UACA: variants seen among roughly 807,000 people sequenced by gnomAD.
UACA encodes the protein nuclear membrane binding protein.
UACA carries 112 observed loss-of-function variants against 160.5 expected under a neutral mutation model. That is an observed-to-expected ratio of 0.70 (90% CI 0.60 to 0.82). UACA has a LOEUF of 0.82. Ranked by LOEUF, UACA falls within the 40% of genes least tolerant of loss-of-function variation. The pLI is 0.00. For missense variants in UACA, 1,574 were observed against 1,614.6 expected (o/e 0.97, Z 0.43); for synonymous variants, 557 against 568.4 (o/e 0.98, Z 0.29).
intron 1 of UACA, among the ~76,000 whole-genome samples, chr15:70,723,781 T>C (rs1899063936): frequency 6.6e-6 from 1 of 151,962 alleles, no homozygotes; most frequent in East Asian, 1.9e-4. Context: ...TACAGGTGCC[T>C]GCCACCACAC....
rs2140949544 is a variant in UACA at position 70,690,514 on chromosome 15, G to A, written c.367-3C>T. 2.5e-6 allele frequency: 4 copies of A among 1,609,460 alleles called. No individual in the cohort carries two copies. The East Asian group carries it at 8.9e-5, about 36-fold the overall frequency. On this transcript the variant is annotated splice_polypyrimidine_tract_variant and splice_region_variant and intron_variant, in intron 4 of 18. Coordinates refer to ENST00000322954, the MANE Select transcript of UACA (RefSeq NM_018003.4). ...GCATGCTCAGTGGGACAATTGTACT[G>A]TTAAAGTAAAGAAAACTTAGTAAAG...
chr15:70,772,677 A>T, the UACA span, among the ~76,000 whole-genome samples: 1 of 152,130 alleles, frequency 6.6e-6, no homozygotes, highest in Non-Finnish European at 1.5e-5. Context: ...GCAAGAGTGA[A>T]ATTCATTAAT....
chr15:70,716,816 A>G (rs1319651948), intron 1 of UACA, among the ~76,000 whole-genome samples: 1 of 152,220 alleles, frequency 6.6e-6, no homozygotes, highest in Admixed American at 6.5e-5. Context: ...GTATTCATCT[A>G]TGTTTTATCA....
intron 1 of UACA, among the ~76,000 whole-genome samples, chr15:70,748,460 T>C (rs1258894008): frequency 1.3e-5 from 2 of 152,214 alleles, no homozygotes; most frequent in African/African-American, 4.8e-5. Context: ...GCCTGGGGCA[T>C]GAAGTTAGAA....
intron 1 of UACA, among the ~76,000 whole-genome samples, chr15:70,710,718 C>G (rs1490955634): frequency 6.6e-6 from 1 of 152,172 alleles, no homozygotes; most frequent in African/African-American, 2.4e-5. Flanking sequence ...AAGGATGTTA[C>G]CAAGCTTGCA....
chr15:70,669,463 C>T lies in UACA; in HGVS notation c.1222-1G>A, dbSNP rs74559933. 3.9e-6 allele frequency: 6 copies of T among 1,525,306 alleles called. No individual in the cohort carries two copies. The highest frequency in any genetic ancestry group is 2.3e-5 in the Admixed American group (1 of 43,340). 94.5% of individuals were successfully genotyped at this position (1,525,306 alleles called of 1,614,324 possible). On this transcript the variant is annotated splice_acceptor_variant, in intron 15 of 18. Coordinates refer to ENST00000322954, the MANE Select transcript of UACA (RefSeq NM_018003.4). LOFTEE classifies it high-confidence loss of function. ...GGGCTGGTATACCTGGGGAAGTACACTGAAAAGAAAAAAAAAAAGACATCA... is the reference window on the plus strand; with the variant it reads ...GGGCTGGTATACCTGGGGAAGTACATTGAAAAGAAAAAAAAAAAGACATCA...
the UACA span, among the ~76,000 whole-genome samples, chr15:70,773,837 A>G: frequency 2.6e-5 from 4 of 152,246 alleles, no homozygotes; most frequent in Non-Finnish European, 4.4e-5. Context: ...TGCCTGATCT[A>G]TGAAATACCC....
chr15:70,668,027 A>C lies in UACA; in HGVS notation c.2657T>G (p.Val886Gly). The change falls in exon 16 of 19, where the codon GTG becomes GGG. Residue 886 changes from valine (V) to glycine (G), a missense_variant. Val to Gly is a moderately radical substitution (Grantham distance 109, BLOSUM62 -3). Coordinates refer to ENST00000322954, the MANE Select transcript of UACA (RefSeq NM_018003.4). Reference sequence around the variant, plus strand: ...ATTTATATCTTCAAATTTTTTCTTCACATCTAATAATTCTCTGTTAGTTTT... The same window carrying C: ...ATTTATATCTTCAAATTTTTTCTTCCCATCTAATAATTCTCTGTTAGTTTT... ...LAKTNRELLD[V>G]KKKFEDINQE... The C allele has an allele frequency of 6.2e-7, 1 of 1,607,694 alleles. No individual in the cohort carries two copies. Among genetic ancestry groups the C allele is most frequent in the South Asian group, 1.1e-5 (1 of 89,162 alleles).
intron 1 of UACA, among the ~76,000 whole-genome samples, chr15:70,756,998 T>A (rs1423858070): frequency 1.3e-5 from 2 of 152,240 alleles, no homozygotes; most frequent in Non-Finnish European, 2.9e-5. Flanking sequence ...TTTCCTCGAT[T>A]GTTTCATAAA....
At chr15:70,673,664 C>A (rs780726075) in intron 13 of UACA, among the ~76,000 whole-genome samples, 1 of 152,174 alleles carries the variant, frequency 6.6e-6, no homozygotes, top group South Asian at 2.1e-4. Flanking sequence ...AAAGTTGTAA[C>A]ATAAAATCAG....
rs924454228 is a variant in UACA, at chr15:70,738,417, A to G, written c.78+24913T>C. ...GCCATAAATGTTTAACCTAAACCTA[A>G]TAACTAGTAAGTCATCAAACCCAAA... On this transcript the variant is annotated intron_variant, in intron 1 of 18. Coordinates refer to ENST00000322954, the MANE Select transcript of UACA (RefSeq NM_018003.4). 6.6e-5 allele frequency among the ~76,000 whole-genome samples: 10 copies of G among 152,040 alleles called. 1 individual carries two copies. Among genetic ancestry groups the G allele is most frequent in the African/African-American group, 2.2e-4 (9 of 41,428 alleles).
rs765534267 is a variant in UACA at position 70,668,840 on chromosome 15, T to G, written c.1844A>C (p.Gln615Pro). Residue 615 changes from glutamine to proline, a missense_variant, in exon 16 of 19, where the codon CAG (glutamine) becomes CCG (proline). Physicochemically the swap from Gln to Pro is moderately conservative, Grantham distance 76 (BLOSUM62 -1). Coordinates refer to ENST00000322954, the MANE Select transcript of UACA (RefSeq NM_018003.4). ...KGRKVTEMEG[Q>P]AKELSAKLAL... ...CAACTTCGCTGACAATTCTTTTGCC[T>G]GGCCTTCCATCTCTGTGACCTTTCT... 1 of 1,613,934 alleles carries G rather than the reference T, an allele frequency of 6.2e-7. No homozygotes were observed. Among genetic ancestry groups the G allele is most frequent in the Non-Finnish European group, 8.5e-7 (1 of 1,180,002 alleles).
Position 70,667,397 on chromosome 15 carries a change from T to C in UACA, c.3287A>G (p.Gln1096Arg), listed in dbSNP as rs772610492. The C allele has an allele frequency of 6.2e-7, 1 of 1,612,148 alleles. No homozygotes were observed. Among genetic ancestry groups the C allele is most frequent in the Non-Finnish European group, 8.5e-7 (1 of 1,179,938 alleles). ...KEKLVEENAK[Q>R]TSEILAVQNL... ...TTGCACTGCAAGTATCTCAGAAGTC[T>C]GTTTGGCATTTTCTTCTACTAGCTT... Residue 1096 changes from glutamine to arginine, a missense_variant, in exon 16 of 19, where the codon CAG (glutamine) becomes CGG (arginine). Coordinates refer to ENST00000322954, the MANE Select transcript of UACA (RefSeq NM_018003.4).
At chr15:70,761,792 A>G (rs74021849) in intron 1 of UACA, among the ~76,000 whole-genome samples, 2,922 of 152,334 alleles carry the variant, frequency 0.019, 93 homozygotes, top group African/African-American at 0.067. Flanking sequence ...CAAATGTATA[A>G]AATGCAAACT....
intron 1 of UACA, among the ~76,000 whole-genome samples, chr15:70,723,599 C>T (rs1388676543): frequency 6.6e-6 from 1 of 151,842 alleles, no homozygotes; most frequent in East Asian, 1.9e-4. Context: ...CTTCTTAATC[C>T]TAACTCATTT....
chr15:70,748,260 AG>A (rs35380590), intron 1 of UACA, among the ~76,000 whole-genome samples: 1 of 152,236 alleles, frequency 6.6e-6, no homozygotes, highest in Admixed American at 6.5e-5. Context: ...ACCCACAAAC[AG>A]GAAAGTATTT....
At chr15:70,719,992 T>C (rs534522330) in intron 1 of UACA, among the ~76,000 whole-genome samples, 6 of 152,158 alleles carry the variant, frequency 3.9e-5, no homozygotes, top group Non-Finnish European at 5.9e-5. Context: ...CCAAATCTCA[T>C]GTTGAATTGT....
intron 1 of UACA, among the ~76,000 whole-genome samples, chr15:70,763,012 A>G (rs2030867890): frequency 6.6e-6 from 1 of 152,076 alleles, no homozygotes; most frequent in African/African-American, 2.4e-5. Flanking sequence ...GAAAGAGCGG[A>G]GTAGGGGTGC....
chr15:70,751,997 G>A (rs2030100643), intron 1 of UACA, among the ~76,000 whole-genome samples: 1 of 152,144 alleles, frequency 6.6e-6, no homozygotes, highest in Non-Finnish European at 1.5e-5. Context: ...AGCACTTTGG[G>A]AGGCCGAGGC....
Sources: gnomAD v4.1 joint callset for allele counts (sites outside exome capture counted in the v4.1 genomes callset) on GRCh38, gnomAD v4.1.1 for gene constraint, MANE v1.5 for transcripts, NCBI Gene and HGNC (gene_info 2026-07-23, HGNC 2026-07-21) for gene names.